MRPS23: variants seen among roughly 807,000 people sequenced by gnomAD.
MRPS23 encodes the protein mitochondrial ribosomal protein S23.
A neutral mutation model predicts 19.8 loss-of-function variants in MRPS23; 14 were observed. That is an observed-to-expected ratio of 0.71 (90% CI 0.47 to 1.11). MRPS23 has a LOEUF of 1.11. MRPS23 is among the 50% of genes least tolerant of loss of function. MRPS23 has a pLI of 0.00. For missense variants in MRPS23, 242 were observed against 236.7 expected (o/e 1.02, Z -0.15); for synonymous variants, 113 against 89.7 (o/e 1.26, Z -1.47).
chr17:57,841,800 T>C (rs2073742030), intron 2 of MRPS23, among the ~76,000 whole-genome samples: 1 of 152,016 alleles, frequency 6.6e-6, no homozygotes, highest in Non-Finnish European at 1.5e-5. Context: ...ACAAAGAAAT[T>C]AGCAGGCATG....
intron 2 of MRPS23, among the ~76,000 whole-genome samples, chr17:57,841,689 A>G (rs2073741367): frequency 6.6e-6 from 1 of 152,250 alleles, no homozygotes; most frequent in Non-Finnish European, 1.5e-5. Flanking sequence ...GGCTAGGCGC[A>G]GTGGCTCATG....
chr17:57,837,933 A>G lies in MRPS23; in HGVS notation c.*1850T>C, dbSNP rs2073716009. The G allele has an allele frequency of 6.6e-6, 1 of 151,884 alleles. No homozygotes were observed. The highest frequency in any genetic ancestry group is 2.4e-5 in the African/African-American group (1 of 41,312). 9.4% of individuals were successfully genotyped at this position (151,884 alleles called of 1,614,324 possible). A position where few individuals can be genotyped will look rare whatever the true frequency, so the allele number is the denominator to read the frequency against. ...GAGTTAAGACTGCGGCAGGGTATGC[A>G]CCACTGCACCCAGCCTGGGTAACAC... On this transcript the variant is annotated 3_prime_UTR_variant, in exon 5 of 5. Coordinates refer to ENST00000313608, the MANE Select transcript of MRPS23 (RefSeq NM_016070.4).
intron 2 of MRPS23, among the ~76,000 whole-genome samples, chr17:57,842,877 AAAAT>A (rs758402086): frequency 0.011 from 1,252 of 114,266 alleles, 31 homozygotes; most frequent in African/African-American, 0.037. Context: ...AAAAAAAAAA[AAAAT>A]ATATATATAT....
Position 57,839,788 on chromosome 17 carries a change from G to A in MRPS23, c.568C>T (p.Pro190Ser), listed in dbSNP as rs2073728969. The A allele has an allele frequency of 1.2e-6, 2 of 1,614,072 alleles. No individual in the cohort carries two copies. Among genetic ancestry groups the A allele is most frequent in the African/African-American group, 1.3e-5 (1 of 75,040 alleles). ...PADQSKGLLP[P>S] ...ATACACAGTATACAGGTCCTTCAGG[G>A]AGGCAAGAGACCTTTCGACTGGTCT... Residue 190 changes from proline (P) to serine (S), a missense_variant, in exon 5 of 5, where the codon CCC (proline) becomes TCC (serine). Coordinates refer to ENST00000313608, the MANE Select transcript of MRPS23 (RefSeq NM_016070.4).
chr17:57,843,631 G>A (rs553356356), intron 2 of MRPS23, among the ~76,000 whole-genome samples: 73 of 152,260 alleles, frequency 4.8e-4, no homozygotes, highest in Non-Finnish European at 8.4e-4. Context: ...AGATAGAAGA[G>A]AGCTTGCTAC....
chr17:57,841,190 A>G lies in MRPS23; in HGVS notation c.286T>C (p.Cys96Arg). ...ACTTATAAAATGGCTTACCGTTGAC[A>G]GGTAGACTTGAAGTTTGGATTGAAT... is the stretch of plus-strand genomic sequence containing the variant. Reference protein sequence around the residue: ...DLFNPNFKSTCQRFVEKYTEL... With the variant: ...DLFNPNFKSTRQRFVEKYTEL... Residue 96 changes from cysteine to arginine, a missense_variant, in exon 3 of 5, where the codon TGT becomes CGT. Transcript: ENST00000313608. 1 of 1,614,192 alleles carries G rather than the reference A, an allele frequency of 6.2e-7. No homozygotes were observed. The highest frequency in any genetic ancestry group is 8.5e-7 in the Non-Finnish European group (1 of 1,180,006).
At position 57,846,265 on chromosome 17, in the gene MRPS23, C is replaced by T. The variant is rs530554457; in HGVS notation, c.215+2975G>A. Among the ~76,000 whole-genome samples the T allele has an allele frequency of 8.3e-3, 915 of 110,566 alleles. 14 individuals are homozygous for T. Among genetic ancestry groups the T allele is most frequent in the African/African-American group, 0.033 (871 of 26,030 alleles). The allele number at this position is 110,566 out of a possible 152,430, so 72.5% of individuals were successfully genotyped here. On this transcript the variant is annotated intron_variant, in intron 2 of 4. Coordinates refer to ENST00000313608, the MANE Select transcript of MRPS23 (RefSeq NM_016070.4). ...CGGGAGGGAGGTGGGGGGTAGCCACCGCCCGACCAGCCGCCCCGTCCGGGA... is the reference window on the plus strand; with the variant it reads ...CGGGAGGGAGGTGGGGGGTAGCCACTGCCCGACCAGCCGCCCCGTCCGGGA...
chr17:57,843,447 C>T (rs761470351), intron 2 of MRPS23, among the ~76,000 whole-genome samples: 1 of 152,138 alleles, frequency 6.6e-6, no homozygotes, highest in South Asian at 2.1e-4. Flanking sequence ...TGTGAACTGT[C>T]CAAGTTCTTT....
At chr17:57,842,104 T>C (rs767590976) in intron 2 of MRPS23, among the ~76,000 whole-genome samples, 11 of 152,120 alleles carry the variant, frequency 7.2e-5, no homozygotes, top group Non-Finnish European at 1.6e-4. Context: ...CTCAAACTCC[T>C]GGGCTCAAGC....
Position 57,836,678 on chromosome 17 carries a change from T to TA in MRPS23, c.*3104_*3105insT, listed in dbSNP as rs111779646. On this transcript the variant is annotated 3_prime_UTR_variant, in exon 5 of 5. Coordinates refer to ENST00000313608, the MANE Select transcript of MRPS23 (RefSeq NM_016070.4). ...TAGTCCCAACTCGATTTTAAGATTT[T>TA]TTTTTTTTTTTTTTTGAGACAGGGT... is the stretch of plus-strand genomic sequence containing the variant. 0.47 allele frequency: 70,007 copies of TA among 148,680 alleles called. 17,369 individuals are homozygous for TA. The highest frequency in any genetic ancestry group is 0.78 in the East Asian group (3,941 of 5,060). 9.2% of individuals were successfully genotyped at this position (148,680 alleles called of 1,614,324 possible).
chr17:57,845,192 A>C (rs2073764866), intron 2 of MRPS23, among the ~76,000 whole-genome samples: 1 of 152,188 alleles, frequency 6.6e-6, no homozygotes, highest in Non-Finnish European at 1.5e-5. Context: ...GCAAAGCACA[A>C]ATGATTTTAA....
At chr17:57,847,708 T>G (rs2073785665) in intron 2 of MRPS23, among the ~76,000 whole-genome samples, 1 of 151,430 alleles carries the variant, frequency 6.6e-6, no homozygotes, top group Non-Finnish European at 1.5e-5. Context: ...AACTTTTTTT[T>G]TTTTTGGAGA....
chr17:57,847,448 G>A (rs1597954339), intron 2 of MRPS23, among the ~76,000 whole-genome samples: 2 of 152,136 alleles, frequency 1.3e-5, no homozygotes, highest in African/African-American at 4.8e-5. Context: ...GGATCACGAG[G>A]TCAGGAGATT....
chr17:57,844,680 G>T (rs557805310), intron 2 of MRPS23, among the ~76,000 whole-genome samples: 45 of 147,416 alleles, frequency 3.1e-4, no homozygotes, highest in Admixed American at 8.2e-4. Context: ...CTGAGAAGGA[G>T]AAATGCTTGA....
intron 2 of MRPS23, 39 bp downstream of exon 2, chr17:57,849,201 T>C (rs758309381): frequency 1.9e-6 from 3 of 1,591,846 alleles, no homozygotes; most frequent in African/African-American, 2.7e-5. Flanking sequence ...CCTTCTGAAG[T>C]TCTGTTGCCT....
At position 57,835,970 on chromosome 17, in the gene MRPS23, T is replaced by C. The variant is rs1597949617; in HGVS notation, c.*3813A>G. ...CTTTATACTTTTTTTTTTTTTTTTT[T>C]TGAGACAGTGTCTCTCTTCTGTCGC... On this transcript the variant is annotated 3_prime_UTR_variant, in exon 5 of 5. Coordinates refer to ENST00000313608, the MANE Select transcript of MRPS23 (RefSeq NM_016070.4). The C allele has an allele frequency of 6.7e-6, 1 of 149,124 alleles. No individual in the cohort carries two copies. Among genetic ancestry groups the C allele is most frequent in the African/African-American group, 2.5e-5 (1 of 40,112 alleles). 9.2% of individuals were successfully genotyped at this position (149,124 alleles called of 1,614,324 possible).
At chr17:57,842,112 A>C (rs1432033338) in intron 2 of MRPS23, among the ~76,000 whole-genome samples, 1 of 152,180 alleles carries the variant, frequency 6.6e-6, no homozygotes, top group Non-Finnish European at 1.5e-5. Flanking sequence ...CCTGGGCTCA[A>C]GCAATCCTCT....
chr17:57,842,891 T>TATACACACACACAC (rs1172458239), intron 2 of MRPS23, among the ~76,000 whole-genome samples: 5 of 76,572 alleles, frequency 6.5e-5, no homozygotes, highest in African/African-American at 2.0e-4. Context: ...TATATATATA[T>TATACACACACACAC]ACACACACAC....
rs11655155 is a variant in MRPS23 at position 57,836,836 on chromosome 17, C to T, written c.*2947G>A. On this transcript the variant is annotated 3_prime_UTR_variant, in exon 5 of 5. Transcript: ENST00000313608. ...GTATTACAGGCACACGCCCGCACGC[C>T]CAGCTAATTTTTTTGTATTTTTAGT... 44,968 of 151,916 alleles carry T rather than the reference C, an allele frequency of 0.3. 6,950 individuals carry two copies. Among genetic ancestry groups the T allele is most frequent in the African/African-American group, 0.35 (14,519 of 41,390 alleles). The allele number at this position is 151,916 out of a possible 1,614,324, so 9.4% of individuals were successfully genotyped here. A position where few individuals can be genotyped will look rare whatever the true frequency, so the allele number is the denominator to read the frequency against.
Sources: allele counts gnomAD v4.1 joint callset (sites outside exome capture counted in the v4.1 genomes callset), GRCh38; gene constraint gnomAD v4.1.1; transcripts MANE v1.5; gene names NCBI Gene and HGNC (gene_info 2026-07-23, HGNC 2026-07-21).